SEMA5A: variants seen among roughly 807,000 people sequenced by gnomAD.
SEMA5A encodes the protein semaphorin 5A.
A neutral mutation model predicts 135.5 loss-of-function variants in SEMA5A; 55 were observed. The observed-to-expected ratio is 0.41, with a 90% CI of 0.33 to 0.51. SEMA5A has a LOEUF of 0.51. Ranked by LOEUF, SEMA5A falls within the 20% of genes least tolerant of loss-of-function variation. SEMA5A has a pLI of 0.37. For synonymous variants in SEMA5A, 580 were observed against 546.5 expected (o/e 1.06, Z -0.85); for missense variants, 1,290 against 1,419.9 (o/e 0.91, Z 1.47).
chr5:9,310,999 T>C (rs1561133834), intron 5 of SEMA5A, among the ~76,000 whole-genome samples: 1 of 151,888 alleles, frequency 6.6e-6, no homozygotes, highest in Non-Finnish European at 1.5e-5. Flanking sequence ...ACATCAAAGA[T>C]CTTATATGTT....
At chr5:9,314,286 G>T (rs565788144) in intron 5 of SEMA5A, among the ~76,000 whole-genome samples, 10 of 150,542 alleles carry the variant, frequency 6.6e-5, no homozygotes, top group African/African-American at 1.2e-4. Flanking sequence ...GCGCACCAGC[G>T]ATCCAGAACA....
intron 3 of SEMA5A, among the ~76,000 whole-genome samples, chr5:9,353,174 GGGAAA>G (rs1754247304): frequency 1.9e-4 from 6 of 30,966 alleles, no homozygotes; most frequent in African/African-American, 1.0e-3. Flanking sequence ...GGGAAAGGAA[GGGAAA>G]GGAAGGGAAG....
intron 5 of SEMA5A, among the ~76,000 whole-genome samples, chr5:9,241,339 T>C (rs950501046): frequency 1.3e-5 from 2 of 152,012 alleles, no homozygotes; most frequent in African/African-American, 4.8e-5. Flanking sequence ...TCTATGTGAC[T>C]GACAGAAGGA....
intron 2 of SEMA5A, among the ~76,000 whole-genome samples, chr5:9,394,450 T>C (rs541834961): frequency 2.8e-4 from 42 of 152,302 alleles, no homozygotes; most frequent in African/African-American, 9.9e-4. Context: ...ACGGTGTCCC[T>C]GCTGTACACT....
intron 5 of SEMA5A, among the ~76,000 whole-genome samples, chr5:9,307,643 T>C (rs184946779): frequency 1.5e-4 from 23 of 152,160 alleles, no homozygotes; most frequent in Non-Finnish European, 3.2e-4. Context: ...GTTGGCTTAT[T>C]TATTTTTGTT....
intron 3 of SEMA5A, among the ~76,000 whole-genome samples, chr5:9,365,266 G>C (rs904573557): frequency 6.6e-6 from 1 of 152,126 alleles, no homozygotes; most frequent in Non-Finnish European, 1.5e-5. Flanking sequence ...CTCATTTGGA[G>C]TGTAAAATTT....
chr5:9,125,489 C>A (rs568057663), intron 13 of SEMA5A, among the ~76,000 whole-genome samples: 1 of 152,248 alleles, frequency 6.6e-6, no homozygotes, highest in East Asian at 1.9e-4. Context: ...TGCTCTCCCT[C>A]CCCCTCACAA....
At chr5:9,462,841 A>G (rs926561293) in intron 1 of SEMA5A, among the ~76,000 whole-genome samples, 1 of 152,178 alleles carries the variant, frequency 6.6e-6, no homozygotes, top group Non-Finnish European at 1.5e-5. Flanking sequence ...GCAGAGGGAA[A>G]GGAGACAGGG....
At chr5:9,058,772 G>T (rs1171282427) in intron 18 of SEMA5A, among the ~76,000 whole-genome samples, 1 of 152,206 alleles carries the variant, frequency 6.6e-6, no homozygotes, top group Non-Finnish European at 1.5e-5. Flanking sequence ...CTCGGGACAT[G>T]GGCAAATGTG....
chr5:9,455,419 C>A (rs1417264453), intron 1 of SEMA5A, among the ~76,000 whole-genome samples: 1 of 151,932 alleles, frequency 6.6e-6, no homozygotes. Context: ...CCATGCCCAG[C>A]TAATTTTTTT....
At chr5:9,531,836 T>C (rs973370464) in intron 1 of SEMA5A, among the ~76,000 whole-genome samples, 2 of 152,098 alleles carry the variant, frequency 1.3e-5, no homozygotes, top group Non-Finnish European at 2.9e-5. Context: ...AATACTACCA[T>C]TTACCCTAGT....
intron 12 of SEMA5A, among the ~76,000 whole-genome samples, chr5:9,140,221 G>C (rs1163956208): frequency 6.6e-6 from 1 of 152,138 alleles, no homozygotes; most frequent in Non-Finnish European, 1.5e-5. Context: ...CCAATGATCA[G>C]TCTCATTGAA....
intron 16 of SEMA5A, among the ~76,000 whole-genome samples, chr5:9,100,984 T>C (rs1739598550): frequency 6.6e-6 from 1 of 152,198 alleles, no homozygotes; most frequent in Admixed American, 6.5e-5. Context: ...AAGATGGGCA[T>C]CACTTCTCAG....
At chr5:9,168,907 A>T (rs976391263) in intron 11 of SEMA5A, among the ~76,000 whole-genome samples, 1 of 152,184 alleles carries the variant, frequency 6.6e-6, no homozygotes, top group Non-Finnish European at 1.5e-5. Flanking sequence ...TTCTAAAATC[A>T]TAGTGCATTA....
At chr5:9,092,739 G>A (rs1380370911) in intron 16 of SEMA5A, among the ~76,000 whole-genome samples, 1 of 152,210 alleles carries the variant, frequency 6.6e-6, no homozygotes, top group African/African-American at 2.4e-5. Context: ...GTAAGAGATA[G>A]TAAGAATGAA....
chr5:9,322,364 G>C (rs763576639), intron 4 of SEMA5A, among the ~76,000 whole-genome samples: 1 of 151,950 alleles, frequency 6.6e-6, no homozygotes, highest in Non-Finnish European at 1.5e-5. Context: ...TATTCAATAG[G>C]GGAAAGGAAG....
intron 16 of SEMA5A, among the ~76,000 whole-genome samples, chr5:9,071,577 G>C (rs1737771619): frequency 6.6e-6 from 1 of 152,158 alleles, no homozygotes; most frequent in Non-Finnish European, 1.5e-5. Context: ...AACAGATTTA[G>C]ATAGTTAAGT....
chr5:9,392,400 G>A (rs1398934838), intron 2 of SEMA5A, among the ~76,000 whole-genome samples: 2 of 152,000 alleles, frequency 1.3e-5, no homozygotes, highest in African/African-American at 4.8e-5. Flanking sequence ...GTATATACAA[G>A]TAAATACATA....
At chr5:9,413,656 G>T (rs1757182218) in intron 2 of SEMA5A, among the ~76,000 whole-genome samples, 11 of 152,190 alleles carry the variant, frequency 7.2e-5, no homozygotes, top group Admixed American at 6.5e-4. Context: ...TGAAATCATT[G>T]CATAAATTAA....
Sources: gnomAD v4.1 joint callset for allele counts (sites outside exome capture counted in the v4.1 genomes callset) on GRCh38, gnomAD v4.1.1 for gene constraint, MANE v1.5 for transcripts, NCBI Gene and HGNC (gene_info 2026-07-23, HGNC 2026-07-21) for gene names.